RBFOX1: variants seen among roughly 807,000 people sequenced by gnomAD.
RBFOX1 encodes RNA binding fox-1 homolog 1.
RBFOX1 carries 8 observed loss-of-function variants against 57.7 expected under a neutral mutation model. The observed-to-expected ratio is 0.14, with a 90% confidence interval of 0.08 to 0.25. RBFOX1 has a LOEUF of 0.25. Ranked by LOEUF, RBFOX1 falls within the 10% of genes least tolerant of loss-of-function variation. The pLI, the probability that RBFOX1 is intolerant of heterozygous loss-of-function variation, is 1.00. For missense variants in RBFOX1, 611 were observed against 548.5 expected, an observed-to-expected ratio of 1.11 and a Z score of -1.14; for synonymous variants, 326 against 222.4, an observed-to-expected ratio of 1.47 and a Z score of -4.15.
chr16:6,396,016 A>C (rs144551605), intron 2 of RBFOX1, among the ~76,000 whole-genome samples: 4,623 of 142,664 alleles, frequency 0.032, 228 homozygotes, highest in African/African-American at 0.11. Context: ...CAGTGAGCTG[A>C]GATCGCACCA....
chr16:6,767,508 C>T (rs1383113829), intron 3 of RBFOX1, among the ~76,000 whole-genome samples: 2 of 152,072 alleles, frequency 1.3e-5, no homozygotes, highest in Non-Finnish European at 2.9e-5. Context: ...CAATTTGAGC[C>T]AGTGTTTTAA....
At chr16:6,607,535 CCT>C (rs1324924619) in intron 2 of RBFOX1, among the ~76,000 whole-genome samples, 2 of 147,308 alleles carry the variant, frequency 1.4e-5, no homozygotes, top group African/African-American at 2.5e-5. Context: ...ATCTCCTCTC[CCT>C]CTTTCTTCCT....
chr16:6,781,151 G>A (rs1002090092), intron 3 of RBFOX1, among the ~76,000 whole-genome samples: 12 of 151,980 alleles, frequency 7.9e-5, no homozygotes, highest in East Asian at 3.9e-4. Flanking sequence ...TCTTTAATCC[G>A]TTTTGATTTG....
intron 3 of RBFOX1, among the ~76,000 whole-genome samples, chr16:5,664,551 A>G (rs2049769655): frequency 6.6e-6 from 1 of 152,110 alleles, no homozygotes; most frequent in Non-Finnish European, 1.5e-5. Flanking sequence ...TTCTTAAAAA[A>G]AAAAAGTGGA....
At chr16:5,826,205 C>A (rs1449899920) in intron 3 of RBFOX1, among the ~76,000 whole-genome samples, 1 of 148,986 alleles carries the variant, frequency 6.7e-6, no homozygotes, top group African/African-American at 2.5e-5. Context: ...AGTAATATTC[C>A]TTATTATGAA....
intron 4 of RBFOX1, among the ~76,000 whole-genome samples, chr16:7,233,940 G>T (rs979349642): frequency 6.6e-6 from 1 of 152,310 alleles, no homozygotes; most frequent in South Asian, 2.1e-4. Flanking sequence ...TTTCCATCTT[G>T]ACTGGCTTGA....
chr16:6,085,490 C>G (rs573364183), intron 1 of RBFOX1, among the ~76,000 whole-genome samples: 1 of 152,262 alleles, frequency 6.6e-6, no homozygotes, highest in Middle Eastern at 3.4e-3. Context: ...TGGCTGGTCT[C>G]GAACTCCCGA....
intron 2 of RBFOX1, among the ~76,000 whole-genome samples, chr16:5,505,864 C>T (rs2043360443): frequency 6.6e-6 from 1 of 152,136 alleles, no homozygotes. Flanking sequence ...GATGAAGCCT[C>T]ACCCTGCCAT....
chr16:5,265,260 C>G lies in RBFOX1; in HGVS notation c.219+25155C>G, dbSNP rs138910180. On this transcript the variant is annotated intron_variant, in intron 1 of 2. Coordinates refer to the RBFOX1 transcript ENST00000585867. ...TTGGACTATTTCAGTCTTTCCCCTT[C>G]CACATTCCATGGACTCTTGAAGAGA... 2.3e-3 allele frequency among the ~76,000 whole-genome samples: 354 copies of G among 152,278 alleles called. 3 individuals carry two copies. Among genetic ancestry groups the G allele is most frequent in the African/African-American group, 8.2e-3 (341 of 41,548 alleles).
At chr16:7,325,319 G>A (rs2096597335) in intron 4 of RBFOX1, among the ~76,000 whole-genome samples, 1 of 152,198 alleles carries the variant, frequency 6.6e-6, no homozygotes, top group Non-Finnish European at 1.5e-5. Flanking sequence ...GTTAAGTGAT[G>A]TGCACGGGAA....
intron 4 of RBFOX1, among the ~76,000 whole-genome samples, chr16:7,196,533 C>G (rs1037084693): frequency 6.6e-6 from 1 of 152,312 alleles, no homozygotes; most frequent in African/African-American, 2.4e-5. Context: ...GCAACCGGCT[C>G]TTTAAATGCA....
intron 1 of RBFOX1, among the ~76,000 whole-genome samples, chr16:5,355,430 G>A (rs1364581495): frequency 6.6e-6 from 1 of 152,184 alleles, no homozygotes; most frequent in Non-Finnish European, 1.5e-5. Flanking sequence ...GAGACCTCTT[G>A]ATGTAAGGTG....
intron 4 of RBFOX1, among the ~76,000 whole-genome samples, chr16:6,007,544 T>A (rs2094934915): frequency 6.6e-6 from 1 of 152,216 alleles, no homozygotes; most frequent in African/African-American, 2.4e-5. Flanking sequence ...CCATGCTACT[T>A]ACTGACCCAT....
intron 3 of RBFOX1, among the ~76,000 whole-genome samples, chr16:6,664,587 C>T (rs533321034): frequency 6.6e-5 from 10 of 152,140 alleles, no homozygotes; most frequent in Admixed American, 1.3e-4. Context: ...GAGACAGCTG[C>T]GCATGTAGCC....
intron 4 of RBFOX1, among the ~76,000 whole-genome samples, chr16:7,070,193 G>T (rs1598653636): frequency 6.6e-6 from 1 of 152,336 alleles, no homozygotes; most frequent in African/African-American, 2.4e-5. Flanking sequence ...AGCGATCAGA[G>T]CACGAGGTTT....
chr16:6,128,743 C>T (rs755323992), intron 1 of RBFOX1, among the ~76,000 whole-genome samples: 19 of 152,194 alleles, frequency 1.2e-4, no homozygotes, highest in Non-Finnish European at 2.6e-4. Context: ...CACCGGAGAT[C>T]AGAGATCAGT....
chr16:7,160,509 T>A (rs566020785), intron 4 of RBFOX1, among the ~76,000 whole-genome samples: 1 of 152,308 alleles, frequency 6.6e-6, no homozygotes, highest in South Asian at 2.1e-4. Flanking sequence ...AGATAAAAAC[T>A]GTTATACATA....
At chr16:7,691,293 C>T (rs1304736008) in intron 14 of RBFOX1, among the ~76,000 whole-genome samples, 1 of 151,464 alleles carries the variant, frequency 6.6e-6, no homozygotes, top group Non-Finnish European at 1.5e-5. Context: ...GGAGTAGTCC[C>T]TTTTGTTCTG....
intron 4 of RBFOX1, among the ~76,000 whole-genome samples, chr16:7,263,617 G>C (rs1004259540): frequency 2.0e-5 from 3 of 152,072 alleles, no homozygotes; most frequent in African/African-American, 7.2e-5. Context: ...GTAGAAAGAG[G>C]CTGGGAACGG....
Sources: allele counts gnomAD v4.1 joint callset (sites outside exome capture counted in the v4.1 genomes callset), GRCh38; gene constraint gnomAD v4.1.1; transcripts MANE v1.5; gene names NCBI Gene and HGNC (gene_info 2026-07-23, HGNC 2026-07-21).